EPHX1: variants seen among roughly 807,000 people sequenced by gnomAD.
EPHX1 encodes the protein epoxide hydratase.
EPHX1 carries 40 observed loss-of-function variants against 43.2 expected under a neutral mutation model. The ratio of observed to expected loss-of-function variants is 0.93; its 90% CI spans 0.72 to 1.21. The LOEUF (loss-of-function observed/expected upper bound fraction) is 1.21. Among genes scored for constraint, EPHX1 ranks in the 50% most tolerant of loss-of-function variants. The probability of loss-of-function intolerance (pLI) is 0.00; values close to 1 mark genes in which losing one functional copy is unlikely to be tolerated. For missense variants in EPHX1, 550 were observed against 570.4 expected, an observed-to-expected ratio of 0.96 and a Z score of 0.36; for synonymous variants, 221 against 226.7, an observed-to-expected ratio of 0.98 and a Z score of 0.22.
intron 3 of EPHX1, among the ~76,000 whole-genome samples, chr1:225,834,589 T>TGA (rs1553485439): frequency 8.3e-6 from 1 of 121,182 alleles, no homozygotes; most frequent in East Asian, 2.5e-4. Flanking sequence ...CCAAGAACAC[T>TGA]AAAAAAAAAA....
intron 3 of EPHX1, among the ~76,000 whole-genome samples, chr1:225,833,352 G>A (rs537085537): frequency 3.3e-5 from 5 of 152,320 alleles, no homozygotes; most frequent in African/African-American, 1.2e-4. Flanking sequence ...TGAAATTATA[G>A]TGTTAACTGG....
intron 1 of EPHX1, chr1:225,810,765 T>TGGG (rs71281014): frequency 4.5e-5 from 4 of 89,244 alleles, no homozygotes; most frequent in African/African-American, 2.4e-4. Context: ...GCGGGCAGAG[T>TGGG]GGGGGGGGTC....
At chr1:225,834,337 G>A (rs559846138) in intron 3 of EPHX1, among the ~76,000 whole-genome samples, 79 of 151,962 alleles carry the variant, frequency 5.2e-4, no homozygotes, top group South Asian at 6.2e-4. Flanking sequence ...CCAGGGAGGC[G>A]GAGGTTGCAG....
intron 6 of EPHX1, chr1:225,840,996 T>C (rs1169020141): frequency 6.6e-6 from 1 of 152,230 alleles, no homozygotes; most frequent in East Asian, 1.9e-4. Flanking sequence ...CAATCTCATA[T>C]AACCTCTTCT....
chr1:225,821,897 G>A (rs186695970), intron 1 of EPHX1, among the ~76,000 whole-genome samples: 84 of 152,174 alleles, frequency 5.5e-4, no homozygotes, highest in African/African-American at 1.9e-3. Context: ...TTGCTCTCCT[G>A]TATTTAAAAT....
At chr1:225,822,863 C>A (rs567335438) in intron 1 of EPHX1, among the ~76,000 whole-genome samples, 1 of 152,188 alleles carries the variant, frequency 6.6e-6, no homozygotes, top group African/African-American at 2.4e-5. Context: ...TGCTGCCAGA[C>A]CACGGTGCCT....
chr1:225,821,526 G>GAT (rs1481472023), intron 1 of EPHX1, among the ~76,000 whole-genome samples: 2 of 147,798 alleles, frequency 1.4e-5, no homozygotes, highest in Admixed American at 6.7e-5. Context: ...GATTACAGGT[G>GAT]TGAGCCACCA....
chr1:225,837,989 G>A (rs2671267), intron 3 of EPHX1, among the ~76,000 whole-genome samples: 16,959 of 152,238 alleles, frequency 0.11, 1,059 homozygotes, highest in South Asian at 0.21. Context: ...CTGCTCAGGA[G>A]AACTGCTTTT....
At chr1:225,824,857 C>T (rs1213235120) in intron 1 of EPHX1, among the ~76,000 whole-genome samples, 3 of 152,162 alleles carry the variant, frequency 2.0e-5, no homozygotes, top group African/African-American at 7.2e-5. Flanking sequence ...TGCTGTCACA[C>T]CAGGCTAATC....
intron 4 of EPHX1, 141 bp downstream of exon 4, chr1:225,839,022 C>T: frequency 7.6e-7 from 1 of 1,312,374 alleles, no homozygotes; most frequent in Non-Finnish European, 1.1e-6. Context: ...AGAGGCCGGC[C>T]CCAGACACAC....
chr1:225,844,553 A>C lies in EPHX1; in HGVS notation c.1096A>C (p.Thr366Pro), dbSNP rs775712910. The C allele has an allele frequency of 8.1e-6, 13 of 1,614,134 alleles. 2 individuals are homozygous for C. The South Asian group carries it at 1.4e-4, about 18-fold the overall frequency. The stretch of plus-strand genomic sequence containing the variant: ...CGTCATGCTCTACTGGACAACAGGC[A>C]CCATCATCTCCTCCCAGCGCTTCTA... ...TNVMLYWTTG[T>P]IISSQRFYKE... The change falls in exon 8 of 9, where the codon ACC becomes CCC. Residue 366 changes from threonine (T) to proline (P), a missense_variant. Thr to Pro is a conservative substitution (Grantham distance 38). Transcript: ENST00000272167.
intron 1 of EPHX1, among the ~76,000 whole-genome samples, chr1:225,816,720 G>A (rs1051489681): frequency 1.3e-5 from 2 of 152,212 alleles, no homozygotes; most frequent in African/African-American, 2.4e-5. Flanking sequence ...ATGGGGCCAC[G>A]GAGGCCTGGA....
Position 225,838,651 on chromosome 1 carries a change from C to T in EPHX1, c.365-3C>T, listed in dbSNP as rs80119745. 1 of 1,613,460 alleles carries T rather than the reference C, an allele frequency of 6.2e-7. No homozygotes were observed. The highest frequency in any genetic ancestry group is 1.1e-5 in the South Asian group (1 of 91,054). ...CCACCCTGACTGTGCTCTGTCCCCC[C>T]AGGGCTGGACATCCACTTCATCCAC... is the stretch of plus-strand genomic sequence containing the variant. On this transcript the variant is annotated splice_region_variant and splice_polypyrimidine_tract_variant and intron_variant, in intron 3 of 8. Transcript: ENST00000272167.
chr1:225,833,831 C>T (rs1028662050), intron 3 of EPHX1, among the ~76,000 whole-genome samples: 11 of 147,788 alleles, frequency 7.4e-5, no homozygotes, highest in African/African-American at 2.7e-4. Flanking sequence ...GGCGCCGTGG[C>T]TCACGCCTGT....
intron 1 of EPHX1, among the ~76,000 whole-genome samples, chr1:225,818,298 G>C (rs904635825): frequency 6.6e-6 from 1 of 152,178 alleles, no homozygotes; most frequent in African/African-American, 2.4e-5. Context: ...CAGGCACTGA[G>C]AGTCCAGATG....
chr1:225,838,971 G>A, intron 4 of EPHX1, 90 bp downstream of exon 4: 2 of 1,488,912 alleles, frequency 1.3e-6, no homozygotes, highest in Non-Finnish European at 1.9e-6. Flanking sequence ...GGCGGGGTGA[G>A]CAGGGAGTTG....
At chr1:225,824,881 T>G (rs1667157157) in intron 1 of EPHX1, among the ~76,000 whole-genome samples, 1 of 152,216 alleles carries the variant, frequency 6.6e-6, no homozygotes, top group South Asian at 2.1e-4. Flanking sequence ...AACACTTTTC[T>G]TTGGTGCATT....
intron 1 of EPHX1, among the ~76,000 whole-genome samples, chr1:225,825,820 C>T (rs1196253812): frequency 2.0e-5 from 3 of 152,282 alleles, no homozygotes; most frequent in South Asian, 4.1e-4. Flanking sequence ...TTCAGCTGCT[C>T]CTGTTGCTGG....
chr1:225,845,316 G>C lies in EPHX1; in HGVS notation c.1337G>C (p.Arg446Pro), dbSNP rs765780845. The C allele has an allele frequency of 3.1e-6, 5 of 1,611,870 alleles. No individual in the cohort carries two copies. Among genetic ancestry groups the C allele is most frequent in the Non-Finnish European group, 3.4e-6 (4 of 1,179,970 alleles). Reference sequence around the variant, plus strand: ...CCGGAGCTGCTCGCCCAGGACATCCGCAAGTTCCTGTCGGTGCTGGAGCGG... The same window carrying C: ...CCGGAGCTGCTCGCCCAGGACATCCCCAAGTTCCTGTCGGTGCTGGAGCGG... ...EEPELLAQDIRKFLSVLERQ is the reference protein window; with the variant it reads ...EEPELLAQDIPKFLSVLERQ Residue 446 changes from arginine (R) to proline (P), a missense_variant, in exon 9 of 9, where the codon CGC (arginine) becomes CCC (proline). Arg to Pro is a moderately radical substitution (Grantham distance 103). Coordinates refer to ENST00000272167, the MANE Select transcript of EPHX1 (RefSeq NM_001136018.4).
Sources: gnomAD v4.1 joint callset for allele counts (sites outside exome capture counted in the v4.1 genomes callset) on GRCh38, gnomAD v4.1.1 for gene constraint, MANE v1.5 for transcripts, NCBI Gene and HGNC (gene_info 2026-07-23, HGNC 2026-07-21) for gene names.